Variants in COMMD10 observed in about 807,000 individuals in gnomAD.
COMMD10 encodes COMM domain-containing protein 10.
Under a neutral mutation model 28.9 loss-of-function variants are expected in COMMD10, and 33 were observed. The observed-to-expected ratio is 1.14, with a 90% confidence interval of 0.87 to 1.53. The LOEUF is 1.53. Ranked by LOEUF, COMMD10 falls within the 40% of genes most tolerant of loss-of-function variation. COMMD10 has a pLI of 0.00. For synonymous variants in COMMD10, 110 were observed against 81.7 expected (o/e 1.35, Z -1.87); for missense variants, 310 against 233.4 (o/e 1.33, Z -2.14).
chr5:116,235,797 T>G (rs898366610), intron 5 of COMMD10, among the ~76,000 whole-genome samples: 1 of 151,756 alleles, frequency 6.6e-6, no homozygotes, highest in Admixed American at 6.6e-5. Context: ...TTCTTTATCT[T>G]CGATGGATAA....
chr5:116,119,622 A>G (rs1025732642), intron 4 of COMMD10, among the ~76,000 whole-genome samples: 3 of 151,794 alleles, frequency 2.0e-5, no homozygotes, highest in Admixed American at 6.6e-5. Flanking sequence ...TTTTTTCCAG[A>G]GACAGGGTTT....
At chr5:116,114,115 A>G (rs1268688133) in intron 4 of COMMD10, among the ~76,000 whole-genome samples, 5 of 151,960 alleles carry the variant, frequency 3.3e-5, no homozygotes, top group African/African-American at 4.8e-5. Flanking sequence ...ATGTGGTGAA[A>G]TTATGCTAGG....
intron 5 of COMMD10, among the ~76,000 whole-genome samples, chr5:116,197,154 C>A (rs1158294660): frequency 6.6e-6 from 1 of 151,968 alleles, no homozygotes; most frequent in African/African-American, 2.4e-5. Flanking sequence ...TTTTGCATAG[C>A]CTACATTACA....
intron 5 of COMMD10, among the ~76,000 whole-genome samples, chr5:116,206,954 T>G (rs1212451332): frequency 1.4e-5 from 2 of 147,626 alleles, no homozygotes; most frequent in African/African-American, 5.0e-5. Context: ...GGAAATGTTG[T>G]ATGAAAAAAA....
At chr5:116,137,544 G>T (rs1013378291) in intron 5 of COMMD10, among the ~76,000 whole-genome samples, 5 of 152,022 alleles carry the variant, frequency 3.3e-5, no homozygotes, top group African/African-American at 1.2e-4. Flanking sequence ...TAAACTACTG[G>T]GAGGATTAGA....
At chr5:116,152,299 T>G (rs1253911133) in intron 5 of COMMD10, among the ~76,000 whole-genome samples, 1 of 152,064 alleles carries the variant, frequency 6.6e-6, no homozygotes, top group Non-Finnish European at 1.5e-5. Context: ...AGAATACCAC[T>G]TCCTTAATTA....
At chr5:116,103,794 A>C (rs746183223) in intron 4 of COMMD10, among the ~76,000 whole-genome samples, 1 of 151,638 alleles carries the variant, frequency 6.6e-6, no homozygotes, top group Non-Finnish European at 1.5e-5. Context: ...ATGATTTTTA[A>C]GTCTTTAATC....
intron 5 of COMMD10, among the ~76,000 whole-genome samples, chr5:116,215,024 T>C (rs933221591): frequency 6.6e-6 from 1 of 152,116 alleles, no homozygotes; most frequent in Admixed American, 6.5e-5. Flanking sequence ...TTTTCATTTT[T>C]TCTTAATAGT....
chr5:116,186,395 C>T (rs1432563117), intron 5 of COMMD10, among the ~76,000 whole-genome samples: 2 of 151,408 alleles, frequency 1.3e-5, no homozygotes, highest in Non-Finnish European at 2.9e-5. Context: ...TCCTTTCTAG[C>T]TCTAAGCACT....
chr5:116,095,384 C>T (rs994783287), intron 4 of COMMD10, among the ~76,000 whole-genome samples: 4 of 152,150 alleles, frequency 2.6e-5, no homozygotes, highest in Non-Finnish European at 5.9e-5. Context: ...CTGAACATGT[C>T]TAAGGTTAGC....
chr5:116,108,787 A>G (rs1381783573), intron 4 of COMMD10, among the ~76,000 whole-genome samples: 1 of 152,046 alleles, frequency 6.6e-6, no homozygotes, highest in Non-Finnish European at 1.5e-5. Context: ...CCAAACGGCC[A>G]CCCAGTTTTA....
At chr5:116,257,908 A>G (rs1460937291) in intron 5 of COMMD10, among the ~76,000 whole-genome samples, 1 of 151,662 alleles carries the variant, frequency 6.6e-6, no homozygotes, top group East Asian at 1.9e-4. Context: ...AAGCTTTTTG[A>G]ATCACAGTTT....
At chr5:116,148,011 T>C (rs912934004) in intron 5 of COMMD10, among the ~76,000 whole-genome samples, 8 of 151,862 alleles carry the variant, frequency 5.3e-5, no homozygotes, top group African/African-American at 1.9e-4. Context: ...TTCTGTTGTT[T>C]GTATGTTCCA....
intron 2 of COMMD10, among the ~76,000 whole-genome samples, chr5:116,088,747 C>T (rs145759276): frequency 1.3e-5 from 2 of 152,322 alleles, no homozygotes; most frequent in African/African-American, 4.8e-5. Flanking sequence ...TCAAGGATTT[C>T]ACAATCTCAG....
chr5:116,140,229 C>CTGTGTGTGTGTGTGTGTG (rs113427747), intron 5 of COMMD10, among the ~76,000 whole-genome samples: 22 of 122,310 alleles, frequency 1.8e-4, no homozygotes, highest in African/African-American at 6.9e-4. Flanking sequence ...ACTCATACTA[C>CTGTGTGTGTGTGTGTGTG]TATGTGTGTG....
intron 5 of COMMD10, among the ~76,000 whole-genome samples, chr5:116,275,321 C>T (rs1186781439): frequency 6.6e-6 from 1 of 151,790 alleles, no homozygotes; most frequent in Non-Finnish European, 1.5e-5. Context: ...CTTTCATGTT[C>T]TCTTTTGCTG....
chr5:116,161,137 T>G (rs1752902809), intron 5 of COMMD10, among the ~76,000 whole-genome samples: 2 of 152,172 alleles, frequency 1.3e-5, no homozygotes, highest in South Asian at 4.1e-4. Flanking sequence ...CTGTGTATCG[T>G]ACTGATCTGT....
intron 5 of COMMD10, among the ~76,000 whole-genome samples, chr5:116,290,623 G>T (rs1056641316): frequency 2.1e-4 from 32 of 151,852 alleles, no homozygotes; most frequent in Non-Finnish European, 3.1e-4. Flanking sequence ...GCTCAATTTT[G>T]CATCAGTTTT....
chr5:116,257,065 T>C (rs890399715), intron 5 of COMMD10, among the ~76,000 whole-genome samples: 3 of 151,800 alleles, frequency 2.0e-5, no homozygotes, highest in African/African-American at 7.3e-5. Context: ...CTCTACTCTG[T>C]ATTTTATTTT....
Sources: allele counts gnomAD v4.1 joint callset (sites outside exome capture counted in the v4.1 genomes callset), GRCh38; gene constraint gnomAD v4.1.1; transcripts MANE v1.5; gene names NCBI Gene and HGNC (gene_info 2026-07-23, HGNC 2026-07-21).